Variants in WDR70 observed in about 807,000 individuals in gnomAD.
WDR70 encodes WD repeat domain 70, also known as WD repeat-containing protein 70.
In WDR70, 53 loss-of-function variants were observed where a neutral mutation model predicts 88.6. The ratio of observed to expected loss-of-function variants is 0.60; its 90% CI spans 0.48 to 0.75. WDR70 has a LOEUF of 0.75. Among genes scored for constraint, WDR70 ranks in the 30% least tolerant of loss-of-function variants. WDR70 has a pLI of 0.00. For missense variants in WDR70, 610 were observed against 823.2 expected (o/e 0.74, Z 3.17); for synonymous variants, 280 against 270.0 (o/e 1.04, Z -0.36).
At chr5:37,642,833 A>G (rs2112544822) in intron 10 of WDR70, among the ~76,000 whole-genome samples, 1 of 152,150 alleles carries the variant, frequency 6.6e-6, no homozygotes, top group South Asian at 2.1e-4. Context: ...TTAAAATTAG[A>G]TTATTAGTTT....
intron 9 of WDR70, among the ~76,000 whole-genome samples, chr5:37,563,567 C>T (rs1742613641): frequency 1.3e-5 from 1 of 75,348 alleles, no homozygotes; most frequent in South Asian, 6.0e-4. Context: ...TGACCCCCCC[C>T]CACCTCCCTC....
At chr5:37,475,579 A>G (rs1739455645) in intron 7 of WDR70, among the ~76,000 whole-genome samples, 2 of 152,154 alleles carry the variant, frequency 1.3e-5, no homozygotes, top group African/African-American at 2.4e-5. Flanking sequence ...TGATATTCGT[A>G]AGATATACCA....
At chr5:37,713,429 G>T (rs921351205) in intron 13 of WDR70, among the ~76,000 whole-genome samples, 1 of 151,920 alleles carries the variant, frequency 6.6e-6, no homozygotes, top group African/African-American at 2.4e-5. Context: ...TATCCCTTTT[G>T]ATTAAACAGG....
chr5:37,656,379 C>T (rs1245308530), intron 10 of WDR70, among the ~76,000 whole-genome samples: 3 of 152,296 alleles, frequency 2.0e-5, no homozygotes, highest in East Asian at 1.9e-4. Flanking sequence ...AGGTGTCTGT[C>T]GACCCCTCCT....
At chr5:37,546,828 G>T (rs940120149) in intron 9 of WDR70, among the ~76,000 whole-genome samples, 1 of 151,768 alleles carries the variant, frequency 6.6e-6, no homozygotes. Flanking sequence ...TGAGGCAGGA[G>T]AATTGCCTGA....
intron 13 of WDR70, among the ~76,000 whole-genome samples, chr5:37,712,193 A>G (rs1477806907): frequency 6.6e-6 from 1 of 151,770 alleles, no homozygotes; most frequent in Admixed American, 6.6e-5. Context: ...GAGTTTCACC[A>G]TGTTGGCCAG....
rs376930000 is a variant in WDR70, at chr5:37,499,634, C to T, written c.841-16880C>T. Among the ~76,000 whole-genome samples, 182 of 103,226 alleles carry T rather than the reference C, an allele frequency of 1.8e-3. 1 individual carries two copies. Among genetic ancestry groups the T allele is most frequent in the African/African-American group, 8.3e-3 (174 of 20,982 alleles). 67.7% of individuals were successfully genotyped at this position (103,226 alleles called of 152,430 possible). On this transcript the variant is annotated intron_variant, in intron 8 of 17. Transcript: ENST00000265107. ...CTCTCTCTCTCTCTCTCTCTCGTCT[C>T]GGTTCACTGCAGCCTCGCCAGCCTG...
chr5:37,737,711 G>T (rs1255515959), intron 17 of WDR70, among the ~76,000 whole-genome samples: 1 of 152,174 alleles, frequency 6.6e-6, no homozygotes, highest in Non-Finnish European at 1.5e-5. Context: ...TCAAGCCTGT[G>T]TGTTCTTCAA....
At chr5:37,498,426 T>G (rs1740296185) in intron 8 of WDR70, among the ~76,000 whole-genome samples, 2 of 152,212 alleles carry the variant, frequency 1.3e-5, no homozygotes, top group South Asian at 4.1e-4. Context: ...GGCTCAGTGT[T>G]GAGCCCTCTT....
chr5:37,734,891 A>G (rs1385170681), intron 17 of WDR70, among the ~76,000 whole-genome samples: 1 of 152,192 alleles, frequency 6.6e-6, no homozygotes, highest in Non-Finnish European at 1.5e-5. Flanking sequence ...CCATCCTGGC[A>G]TCTTTGATAC....
chr5:37,692,162 A>G (rs1723758000), intron 10 of WDR70, among the ~76,000 whole-genome samples: 1 of 152,128 alleles, frequency 6.6e-6, no homozygotes, highest in African/African-American at 2.4e-5. Context: ...GCAAGACTAA[A>G]TGAGGAATAA....
intron 9 of WDR70, among the ~76,000 whole-genome samples, chr5:37,524,584 A>G (rs981107833): frequency 1.3e-5 from 2 of 152,230 alleles, no homozygotes; most frequent in Non-Finnish European, 2.9e-5. Context: ...TAACGAGCAA[A>G]ATAACCAGCT....
At chr5:37,444,475 A>G (rs1490310584) in intron 7 of WDR70, among the ~76,000 whole-genome samples, 1 of 150,588 alleles carries the variant, frequency 6.6e-6, no homozygotes, top group Admixed American at 6.7e-5. Context: ...AATAGCTGGG[A>G]CTATATGGGT....
chr5:37,528,199 A>G (rs908293956), intron 9 of WDR70, among the ~76,000 whole-genome samples: 1 of 152,222 alleles, frequency 6.6e-6, no homozygotes, highest in Non-Finnish European at 1.5e-5. Context: ...TTGCGGCACT[A>G]TTCACAATAG....
At chr5:37,657,467 T>C (rs941521178) in intron 10 of WDR70, among the ~76,000 whole-genome samples, 1 of 152,178 alleles carries the variant, frequency 6.6e-6, no homozygotes, top group Non-Finnish European at 1.5e-5. Context: ...GGCTTCATTT[T>C]TATAGAGGCA....
At chr5:37,693,331 G>A (rs965437440) in intron 10 of WDR70, among the ~76,000 whole-genome samples, 3 of 152,278 alleles carry the variant, frequency 2.0e-5, no homozygotes, top group African/African-American at 7.2e-5. Context: ...AGTTACCAAT[G>A]ACTTTCTTCA....
chr5:37,557,961 T>TCTCTTCAAAAGA (rs1742360947), intron 9 of WDR70, among the ~76,000 whole-genome samples: 1 of 148,390 alleles, frequency 6.7e-6, no homozygotes, highest in Non-Finnish European at 1.5e-5. Context: ...AAGAGTATTA[T>TCTCTTCAAAAGA]GTATATTTAT....
At chr5:37,457,156 C>T (rs577922056) in intron 7 of WDR70, among the ~76,000 whole-genome samples, 6 of 152,056 alleles carry the variant, frequency 3.9e-5, no homozygotes, top group East Asian at 3.9e-4. Flanking sequence ...AGTGCGGTGG[C>T]GCAATCTTGG....
At chr5:37,676,211 T>C (rs1166596605) in intron 10 of WDR70, among the ~76,000 whole-genome samples, 3 of 151,640 alleles carry the variant, frequency 2.0e-5, no homozygotes, top group South Asian at 4.2e-4. Flanking sequence ...CTTTTCCTAA[T>C]TGAATACCCT....
Sources: allele counts gnomAD v4.1 joint callset (sites outside exome capture counted in the v4.1 genomes callset), GRCh38; gene constraint gnomAD v4.1.1; transcripts MANE v1.5; gene names NCBI Gene and HGNC (gene_info 2026-07-23, HGNC 2026-07-21).